Variants in TTN observed in about 807,000 individuals in gnomAD.
TTN encodes the protein connectin.
TTN carries 1,525 observed loss-of-function variants against 3,223.0 expected under a neutral mutation model. The ratio of observed to expected loss-of-function variants is 0.47; its 90% confidence interval spans 0.45 to 0.49. The LOEUF is 0.49. TTN is among the 20% of genes least tolerant of loss of function. The pLI is 0.00. For synonymous variants in TTN, 14,094 were observed against 15,161.0 expected, an observed-to-expected ratio of 0.93 and a Z score of 5.17; for missense variants, 40,786 against 43,424.0, an observed-to-expected ratio of 0.94 and a Z score of 5.40.
chr2:178,675,685 G>A lies in TTN; in HGVS notation c.34523C>T (p.Ala11508Val), dbSNP rs1412956894. The A allele has an allele frequency of 6.3e-6, 9 of 1,419,174 alleles. No individual in the cohort carries two copies. The highest frequency in any genetic ancestry group is 5.2e-4 in the Middle Eastern group (2 of 3,868). The allele number at this position is 1,419,174 out of a possible 1,614,324, so 87.9% of individuals were successfully genotyped here. ...VPPPGLKKAVAPPAKVPEVPK... is the reference protein window; with the variant it reads ...VPPPGLKKAVVPPAKVPEVPK... ...GGATGATGTACCTTTGGCAGGAGGG[G>A]CCACTGCTTTCTTAAGACCAGGAGG... is the stretch of plus-strand genomic sequence containing the variant. Residue 11508 changes from alanine to valine, a missense_variant, in exon 149 of 363, where the codon GCC becomes GTC. Ala to Val is a moderately conservative substitution (Grantham distance 64, BLOSUM62 0). Coordinates refer to ENST00000589042, the MANE Select transcript of TTN (RefSeq NM_001267550.2).
chr2:178,612,939 T>C lies in TTN; in HGVS notation c.49782A>G (p.Gly16594=). ...CCGCCACTCTGACCCACTCATCTGT[T>C]CCAGTCTTCAGCATTTCAATGACAT... ...ESYVIEMLKT[G]TDEWVRVAEG... Residue 16594 remains glycine, a synonymous_variant, in exon 265 of 363, where the codon GGA becomes GGG. Coordinates refer to ENST00000589042, the MANE Select transcript of TTN (RefSeq NM_001267550.2). 6.2e-7 allele frequency: 1 copy of C among 1,612,750 alleles called. No individual in the cohort carries two copies. Among genetic ancestry groups the C allele is most frequent in the Non-Finnish European group, 8.5e-7 (1 of 1,179,282 alleles).
chr2:178,631,652 G>A (rs1477752905), intron 236 of TTN, among the ~76,000 whole-genome samples: 1 of 151,968 alleles, frequency 6.6e-6, no homozygotes, highest in Non-Finnish European at 1.5e-5. Flanking sequence ...TAAGCTTTCA[G>A]GTTCACATTG....
chr2:178,732,028 A>T (rs767978397), intron 57 of TTN, 38 bp downstream of exon 57: 1 of 1,588,988 alleles, frequency 6.3e-7, no homozygotes, highest in Non-Finnish European at 8.6e-7. Context: ...GCCATGGGCC[A>T]TAACTTTGGC....
intron 136 of TTN, 57 bp downstream of exon 136, chr2:178,681,604 G>T: frequency 6.5e-7 from 1 of 1,532,486 alleles, no homozygotes; most frequent in South Asian, 1.2e-5. Flanking sequence ...TTTATAGTAG[G>T]ACAGACATGG....
intron 15 of TTN, 118 bp from the exon 16 acceptor site, chr2:178,784,469 A>G: frequency 8.4e-7 from 1 of 1,191,450 alleles, no homozygotes. Flanking sequence ...TCTCATTAGC[A>G]CTCATTATCA....
intron 43 of TTN, among the ~76,000 whole-genome samples, chr2:178,762,713 AT>A (rs1362211744): frequency 1.3e-5 from 2 of 152,192 alleles, no homozygotes; most frequent in African/African-American, 4.8e-5. Context: ...ATTTATTAAT[AT>A]TTAGCATTTC....
At chr2:178,581,438 T>G in intron 316 of TTN, 61 bp downstream of exon 316, 1 of 1,379,678 alleles carries the variant, frequency 7.2e-7, no homozygotes, top group South Asian at 1.4e-5. Flanking sequence ...GGAGTTCTAG[T>G]CTCCCTCTTA....
rs201571580 is a variant in TTN, at chr2:178,718,042, C to A, written c.24964G>T (p.Val8322Leu). The part of the protein sequence containing the change: ...MQFKNNVASL[V>L]INKVDHSDVG... ...TCACTGTGATCCACTTTGTTGATTA[C>A]TAAGGAAGCAACGTTATTTTTGAAT... is the stretch of plus-strand genomic sequence containing the variant. The change falls in exon 86 of 363, where the codon GTA becomes TTA. Residue 8322 changes from valine (V) to leucine (L), a missense_variant. Coordinates refer to ENST00000589042, the MANE Select transcript of TTN (RefSeq NM_001267550.2). 6.4e-4 allele frequency: 1,030 copies of A among 1,613,764 alleles called. 2 individuals carry two copies. The highest frequency in any genetic ancestry group is 7.9e-4 in the Non-Finnish European group (937 of 1,179,718).
At position 178,614,254 on chromosome 2, in the gene TTN, A is replaced by G; in HGVS notation, c.49143T>C (p.Ser16381=). Residue 16381 remains serine (S), a synonymous_variant, in exon 262 of 363, where the codon TCT becomes TCC. Coordinates refer to ENST00000589042, the MANE Select transcript of TTN (RefSeq NM_001267550.2). ...TCTCCACAACATAGTTTGTGATCTT[A>G]GATCCACCATCATCGCGTGGTGGGT... ...TWNPPRDDGG[S]KITNYVVERR... 2 of 1,612,654 alleles carry G rather than the reference A, an allele frequency of 1.2e-6. No homozygotes were observed. The highest frequency in any genetic ancestry group is 1.7e-6 in the Non-Finnish European group (2 of 1,179,274).
rs2070308551 is a variant in TTN, at chr2:178,684,516, A to G, written c.32639-103T>C. 7 of 1,397,528 alleles carry G rather than the reference A, an allele frequency of 5.0e-6. No homozygotes were observed. In the Admixed American group the frequency reaches 1.3e-4, roughly 25 times the overall value. The allele number at this position is 1,397,528 out of a possible 1,614,324, so 86.6% of individuals were successfully genotyped here. A position where few individuals can be genotyped will look rare whatever the true frequency, so the allele number is the denominator to read the frequency against. On this transcript the variant is annotated intron_variant, in intron 131 of 362. Coordinates refer to ENST00000589042, the MANE Select transcript of TTN (RefSeq NM_001267550.2). ...TTTAGAATAGAAGAATTTACAAGGC[A>G]CACACACAAAAACATCACAAGTAAT...
At position 178,548,763 on chromosome 2, in the gene TTN, G is replaced by T. The variant is rs1323009434; in HGVS notation, c.92863C>A (p.Pro30955Thr). 3 of 1,613,366 alleles carry T rather than the reference G, an allele frequency of 1.9e-6. No homozygotes were observed. Among genetic ancestry groups the T allele is most frequent in the Non-Finnish European group, 2.5e-6 (3 of 1,179,806 alleles). ...TCTGGTTTGCTCCACACAGCTGTAG[G>T]AGTAGGTCTACCTTGGTAGGCAATG... ...LFIAYQGRPTPTAVWSKPDSN... is the reference protein window; with the variant it reads ...LFIAYQGRPTTTAVWSKPDSN... The change falls in exon 339 of 363, where the codon CCT becomes ACT. Residue 30955 changes from proline to threonine, a missense_variant. Transcript: ENST00000589042. This position sits in a 1 kb window ranked among gnomAD's most constrained non-coding sequence, Gnocchi z 4.3.
Position 178,704,675 on chromosome 2 carries a change from A to G in TTN, c.29797T>C (p.Ser9933Pro), listed in dbSNP as rs1186600028. The G allele has an allele frequency of 6.2e-7, 1 of 1,612,066 alleles. No homozygotes were observed. The highest frequency in any genetic ancestry group is 8.5e-7 in the Non-Finnish European group (1 of 1,178,936). The change falls in exon 105 of 363, where the codon TCG becomes CCG. Residue 9933 changes from serine (S) to proline (P), a missense_variant. By Grantham distance (74) the Ser-to-Pro change is moderately conservative. Transcript: ENST00000589042. ...IKINYPEIKL[S>P]WYKGTEKLEP... ...AGTTTTTCAGTTCCTTTGTACCACGAAAGCTTGATTTCTGGATAATTAATT... is the reference window on the plus strand; with the variant it reads ...AGTTTTTCAGTTCCTTTGTACCACGGAAGCTTGATTTCTGGATAATTAATT...
At chr2:178,804,295 G>A (rs993326891) in intron 2 of TTN, among the ~76,000 whole-genome samples, 5 of 151,990 alleles carry the variant, frequency 3.3e-5, no homozygotes, top group Non-Finnish European at 5.9e-5. Context: ...GGATTCTAAC[G>A]GCAATTTTAA....
At position 178,732,545 on chromosome 2, in the gene TTN, A is replaced by C; in HGVS notation, c.16516T>G (p.Ser5506Ala). ...GTTTTTACTAAATAGAGTTCCAGGG[A>C]ACTCTCTAAAGCTTCTTTGGTAATA... is the stretch of plus-strand genomic sequence containing the variant. ...CYITKEALESSLELYLVKTSD... is the reference protein window; with the variant it reads ...CYITKEALESALELYLVKTSD... Residue 5506 changes from serine to alanine, a missense_variant, in exon 56 of 363, where the codon TCC (serine) becomes GCC (alanine). Physicochemically the swap from Ser to Ala is moderately conservative, Grantham distance 99. Transcript: ENST00000589042. 1 of 1,613,630 alleles carries C rather than the reference A, an allele frequency of 6.2e-7. No homozygotes were observed. The highest frequency in any genetic ancestry group is 2.2e-5 in the East Asian group (1 of 44,808).
At position 178,793,506 on chromosome 2, in the gene TTN, C is replaced by T. The variant is rs1245765519; in HGVS notation, c.1434G>A (p.Lys478=). 1 of 1,614,072 alleles carries T rather than the reference C, an allele frequency of 6.2e-7. No individual in the cohort carries two copies. The highest frequency in any genetic ancestry group is 2.2e-5 in the East Asian group (1 of 44,884). Residue 478 remains lysine (K), a synonymous_variant, in exon 9 of 363, where the codon AAG becomes AAA. Transcript: ENST00000589042. ...TGGCTTTATCGGCGGCCACTACTAC[C>T]TTAGTTACAGCAGTCTTCTCCGCTT... ...RKEAEKTAVT[K]VVVAADKAKE...
Position 178,587,692 on chromosome 2 carries a change from A to G in TTN, c.63617T>C (p.Val21206Ala), listed in dbSNP as rs370145029. ...AIVRGRPAPK[V>A]TWRKVGIDNV... The stretch of plus-strand genomic sequence containing the variant: ...ATCAATGCCAACTTTTCGCCAAGTG[A>G]CTTTAGGGGCTGGTCGTCCTCTCAC... The change falls in exon 306 of 363, where the codon GTC (valine) becomes GCC (alanine). Residue 21206 changes from valine (V) to alanine (A), a missense_variant. Val to Ala is a moderately conservative substitution (Grantham distance 64). Transcript: ENST00000589042. The G allele has an allele frequency of 8.7e-6, 14 of 1,612,880 alleles. No homozygotes were observed. The African/African-American group carries it at 1.7e-4, about 20-fold the overall frequency.
At chr2:178,756,141 T>C (rs2086854796) in intron 46 of TTN, 81 bp downstream of exon 46, 1 of 1,040,432 alleles carries the variant, frequency 9.6e-7, no homozygotes, top group African/African-American at 1.6e-5. Flanking sequence ...AATATATTCG[T>C]CGATTGAATT....
In TTN at chr2:178,598,904, G is replaced by T; in HGVS notation, c.56806C>A (p.Arg18936=). ...AAAGTCATGGCTTTGATAGGATCTCGGTTAACTCTCTTCCATCTCTTTGAA... is the reference window on the plus strand; with the variant it reads ...AAAGTCATGGCTTTGATAGGATCTCTGTTAACTCTCTTCCATCTCTTTGAA... ...TTSKRWKRVN[R]DPIKAMTLGV... The change falls in exon 291 of 363, where the codon CGA becomes AGA. Residue 18936 remains arginine (R), a synonymous_variant. Coordinates refer to ENST00000589042, the MANE Select transcript of TTN (RefSeq NM_001267550.2). The T allele has an allele frequency of 6.2e-7, 1 of 1,612,978 alleles. No homozygotes were observed. Among genetic ancestry groups the T allele is most frequent in the Non-Finnish European group, 8.5e-7 (1 of 1,179,446 alleles).
chr2:178,721,077 C>T lies in TTN; in HGVS notation c.22942G>A (p.Glu7648Lys), dbSNP rs397517502. Reference sequence around the variant, plus strand: ...TTGTATTTCCAACTTTCATGAAGTTCGCTGTCATTTCGGAACCATGAAACT... The same window carrying T: ...TTGTATTTCCAACTTTCATGAAGTTTGCTGTCATTTCGGAACCATGAAACT... ...IKVSWFRNDS[E>K]LHESWKYNMS... Residue 7648 changes from glutamate to lysine, a missense_variant, in exon 79 of 363, where the codon GAA becomes AAA. Physicochemically the swap from Glu to Lys is moderately conservative, Grantham distance 56 (BLOSUM62 1). Transcript: ENST00000589042. 1.5e-5 allele frequency: 24 copies of T among 1,613,138 alleles called. No individual in the cohort carries two copies. Among genetic ancestry groups the T allele is most frequent in the African/African-American group, 6.7e-5 (5 of 75,002 alleles).
Sources: allele counts gnomAD v4.1 joint callset (sites outside exome capture counted in the v4.1 genomes callset), GRCh38; gene constraint gnomAD v4.1.1; non-coding constraint Gnocchi (gnomAD v3.1); transcripts MANE v1.5; gene names NCBI Gene and HGNC (gene_info 2026-07-23, HGNC 2026-07-21).